GABRB2: variants seen among roughly 807,000 people sequenced by gnomAD.
GABRB2 encodes the protein gamma-aminobutyric acid type A receptor subunit beta2.
GABRB2 carries 16 observed loss-of-function variants against 54.7 expected under a neutral mutation model. The observed-to-expected ratio is 0.29, with a 90% CI of 0.20 to 0.44. The LOEUF is 0.44. Among genes scored for constraint, GABRB2 ranks in the 20% least tolerant of loss-of-function variants. The pLI is 1.00. For synonymous variants in GABRB2, 244 were observed against 233.8 expected (o/e 1.04, Z -0.40); for missense variants, 355 against 644.0 (o/e 0.55, Z 4.86).
chr5:161,345,416 C>A (rs1344516776), intron 5 of GABRB2, among the ~76,000 whole-genome samples: 1 of 152,084 alleles, frequency 6.6e-6, no homozygotes, highest in African/African-American at 2.4e-5. Flanking sequence ...GCAAATTCTT[C>A]AGGCATTCAA....
chr5:161,366,937 G>T (rs949835260), intron 5 of GABRB2, among the ~76,000 whole-genome samples: 1 of 152,070 alleles, frequency 6.6e-6, no homozygotes, highest in Non-Finnish European at 1.5e-5. Flanking sequence ...AACAGAGAAA[G>T]ACTCCATCTC....
chr5:161,319,674 G>A (rs1247764317), intron 9 of GABRB2, among the ~76,000 whole-genome samples: 1 of 151,350 alleles, frequency 6.6e-6, no homozygotes, highest in Non-Finnish European at 1.5e-5. Context: ...TACGTTATGT[G>A]ACCATCTAAA....
chr5:161,483,733 ATATT>A (rs1172995628), intron 3 of GABRB2, among the ~76,000 whole-genome samples: 3 of 152,006 alleles, frequency 2.0e-5, no homozygotes, highest in African/African-American at 7.2e-5. Context: ...TAAAATAAAT[ATATT>A]TATGGTTTTG....
intron 9 of GABRB2, among the ~76,000 whole-genome samples, chr5:161,324,092 C>T (rs765850974): frequency 1.3e-5 from 2 of 151,930 alleles, no homozygotes; most frequent in East Asian, 3.9e-4. Flanking sequence ...TTATGGCATG[C>T]ACATTCAATT....
In GABRB2 at chr5:161,545,270, T is replaced by G. The variant is rs781189180; in HGVS notation, c.194A>C (p.Asn65Thr). ...FGGPPVAVGM[N>T]IDIASIDMVS... is the part of the protein sequence containing the mutation. ...CATATCGATGCTGGCAATGTCAATGTTCATCCCCACAGCCACGGGGGGACC... is the reference window on the plus strand; with the variant it reads ...CATATCGATGCTGGCAATGTCAATGGTCATCCCCACAGCCACGGGGGGACC... Residue 65 changes from asparagine to threonine, a missense_variant, in exon 3 of 10, where the codon AAC becomes ACC. Physicochemically the swap from Asn to Thr is moderately conservative, Grantham distance 65. Transcript: ENST00000393959. 3.1e-6 allele frequency: 5 copies of G among 1,608,266 alleles called. No homozygotes were observed. The highest frequency in any genetic ancestry group is 4.2e-6 in the Non-Finnish European group (5 of 1,177,804).
chr5:161,413,306 G>A (rs1048127365), intron 4 of GABRB2, among the ~76,000 whole-genome samples: 1 of 151,966 alleles, frequency 6.6e-6, no homozygotes, highest in Non-Finnish European at 1.5e-5. Flanking sequence ...GTCTTAGGTT[G>A]TAGAGGTTCT....
chr5:161,410,383 A>C (rs1756470731), intron 5 of GABRB2, among the ~76,000 whole-genome samples: 1 of 91,146 alleles, frequency 1.1e-5, no homozygotes, highest in South Asian at 4.3e-4. Context: ...CACAGTAAAC[A>C]GAATTCTCAC....
chr5:161,497,178 G>A (rs1234610290), intron 3 of GABRB2, among the ~76,000 whole-genome samples: 4 of 152,064 alleles, frequency 2.6e-5, no homozygotes, highest in African/African-American at 9.7e-5. Flanking sequence ...AGAATATATT[G>A]TTGAAACTCA....
At chr5:161,307,390 A>G (rs1757720535) in intron 9 of GABRB2, among the ~76,000 whole-genome samples, 2 of 152,332 alleles carry the variant, frequency 1.3e-5, no homozygotes, top group South Asian at 4.1e-4. Flanking sequence ...ATCTGCTGAA[A>G]TAATAATATA....
intron 3 of GABRB2, among the ~76,000 whole-genome samples, chr5:161,526,969 G>A (rs1447652293): frequency 2.0e-5 from 3 of 151,278 alleles, no homozygotes; most frequent in East Asian, 1.9e-4. Flanking sequence ...AAATTTTAAA[G>A]CAATTACAAC....
intron 3 of GABRB2, among the ~76,000 whole-genome samples, chr5:161,512,138 A>G (rs1196812946): frequency 2.0e-5 from 3 of 152,086 alleles, no homozygotes; most frequent in East Asian, 3.9e-4. Flanking sequence ...GGAAAAATCA[A>G]TCTACTTAAA....
At chr5:161,439,891 G>A (rs544742395) in intron 4 of GABRB2, among the ~76,000 whole-genome samples, 11 of 151,990 alleles carry the variant, frequency 7.2e-5, no homozygotes, top group Admixed American at 4.6e-4. Flanking sequence ...CCTAGGTGAT[G>A]GGTTGATCTG....
chr5:161,375,743 A>G (rs1261953165), intron 5 of GABRB2, among the ~76,000 whole-genome samples: 1 of 152,170 alleles, frequency 6.6e-6, no homozygotes, highest in Admixed American at 6.6e-5. Context: ...ATAACATCAT[A>G]CGGTTTAAAT....
At chr5:161,299,772 A>G (rs1757483673) in intron 9 of GABRB2, among the ~76,000 whole-genome samples, 1 of 152,088 alleles carries the variant, frequency 6.6e-6, no homozygotes, top group Non-Finnish European at 1.5e-5. Flanking sequence ...GATTCATCTC[A>G]TTTAAAGATC....
At position 161,414,527 on chromosome 5, in the gene GABRB2, T is replaced by C. The variant is rs189017131; in HGVS notation, c.459-3470A>G. Among the ~76,000 whole-genome samples, 1,156 of 152,192 alleles carry C rather than the reference T, an allele frequency of 7.6e-3. 22 individuals are homozygous for C. Among genetic ancestry groups the C allele is most frequent in the South Asian group, 0.05 (240 of 4,816 alleles). On this transcript the variant is annotated intron_variant, in intron 4 of 9. Coordinates refer to ENST00000393959, the MANE Select transcript of GABRB2 (RefSeq NM_001371727.1). Reference sequence around the variant, plus strand: ...GCAGAGATATCAAGATGGATGTAAATAGCTTCCCAACACATAAATATGCAA... The same window carrying C: ...GCAGAGATATCAAGATGGATGTAAACAGCTTCCCAACACATAAATATGCAA...
At chr5:161,414,782 G>A (rs1756617841) in intron 4 of GABRB2, among the ~76,000 whole-genome samples, 1 of 151,480 alleles carries the variant, frequency 6.6e-6, no homozygotes, top group East Asian at 1.9e-4. Flanking sequence ...TAAAACAAAG[G>A]GAGGGATCAA....
In GABRB2 at chr5:161,507,405, C is replaced by T. The variant is rs1449596047; in HGVS notation, c.237+37822G>A. Among the ~76,000 whole-genome samples the T allele has an allele frequency of 2.0e-5, 3 of 151,960 alleles. No individual in the cohort carries two copies. The East Asian group carries it at 5.8e-4, about 29-fold the overall frequency. On this transcript the variant is annotated intron_variant, in intron 3 of 9. Transcript: ENST00000393959. ...TATAAGATGTTAACATCAGAGGAAG[C>T]TAAGTGAAGGTTATTTGGGAACTTT...
At chr5:161,455,243 T>C (rs1407156368) in intron 4 of GABRB2, among the ~76,000 whole-genome samples, 1 of 152,030 alleles carries the variant, frequency 6.6e-6, no homozygotes, top group African/African-American at 2.4e-5. Flanking sequence ...ACAAGAGTGG[T>C]AGCAAGGTTC....
intron 9 of GABRB2, among the ~76,000 whole-genome samples, chr5:161,311,250 G>C (rs1049905965): frequency 2.6e-5 from 4 of 152,224 alleles, no homozygotes; most frequent in Non-Finnish European, 2.9e-5. Flanking sequence ...CAAAGTTGCA[G>C]AGCTTTTCAG....
Sources: gnomAD v4.1 joint callset for allele counts (sites outside exome capture counted in the v4.1 genomes callset) on GRCh38, gnomAD v4.1.1 for gene constraint, MANE v1.5 for transcripts, NCBI Gene and HGNC (gene_info 2026-07-23, HGNC 2026-07-21) for gene names.